Variants in SMARCAL1 observed in about 807,000 individuals in gnomAD.
The protein encoded by SMARCAL1 is SNF2 related chromatin remodeling annealing helicase 1.
Under a neutral mutation model 94.5 loss-of-function variants are expected in SMARCAL1, and 58 were observed. That is an observed-to-expected ratio of 0.61 (90% CI 0.50 to 0.76). SMARCAL1 has a LOEUF of 0.76. Ranked by LOEUF, SMARCAL1 falls within the 30% of genes least tolerant of loss-of-function variation. The pLI is 0.00. For synonymous variants in SMARCAL1, 422 were observed against 455.1 expected, an observed-to-expected ratio of 0.93 and a Z score of 0.93; for missense variants, 1,051 against 1,177.9, an observed-to-expected ratio of 0.89 and a Z score of 1.58.
chr2:216,478,434 C>A, intron 17 of SMARCAL1, 135 bp downstream of exon 17: 1 of 746,568 alleles, frequency 1.3e-6, no homozygotes. Context: ...AAAACAATGG[C>A]CTGCAGTCAT....
chr2:216,473,342 T>C (rs1021651337), intron 14 of SMARCAL1, among the ~76,000 whole-genome samples: 4 of 152,128 alleles, frequency 2.6e-5, no homozygotes, highest in Non-Finnish European at 4.4e-5. Context: ...TCGTTCCTTT[T>C]TAGTGTTCAC....
At chr2:216,414,590 G>T in intron 2 of SMARCAL1, 57 bp from the exon 3 acceptor site, 1 of 880,888 alleles carries the variant, frequency 1.1e-6, no homozygotes, top group Non-Finnish European at 1.9e-6. Flanking sequence ...ATCATGGTTG[G>T]AGTATGACAA....
At position 216,482,771 on chromosome 2, in the gene SMARCAL1, C is replaced by T; in HGVS notation, c.2659C>T (p.Gln887Ter). The stretch of plus-strand genomic sequence containing the variant: ...GCAGCAGAAGATCTACGACCTATTC[C>T]AGAAGTCCTTTGAGAAAGAAGGAAG... ...PKQQKIYDLF[Q>*]KSFEKEGSDM... Residue 887 changes from glutamine to a stop codon, truncating the protein, a stop_gained, in exon 18 of 18, where the codon CAG (glutamine) becomes TAG (stop). Transcript: ENST00000357276. LOFTEE classifies it high-confidence loss of function. The surrounding 1 kb of genome is among the most constrained non-coding windows in gnomAD (Gnocchi z 4.3). 5.6e-6 allele frequency: 9 copies of T among 1,614,120 alleles called. No homozygotes were observed. Among genetic ancestry groups the T allele is most frequent in the Non-Finnish European group, 7.6e-6 (9 of 1,180,000 alleles).
chr2:216,451,847 T>A (rs193065399), intron 12 of SMARCAL1, among the ~76,000 whole-genome samples: 34 of 152,330 alleles, frequency 2.2e-4, no homozygotes, highest in African/African-American at 7.9e-4. Flanking sequence ...ACTAAGAAAA[T>A]AACAGTCATT....
chr2:216,464,697 C>G (rs368984173), intron 13 of SMARCAL1, 30 bp downstream of exon 13: 5 of 1,384,630 alleles, frequency 3.6e-6, no homozygotes, highest in Non-Finnish European at 4.1e-6. Flanking sequence ...CGACCTCTCT[C>G]TCTCTCATCT....
At chr2:216,438,894 G>T (rs1326130407) in intron 10 of SMARCAL1, among the ~76,000 whole-genome samples, 1 of 152,176 alleles carries the variant, frequency 6.6e-6, no homozygotes, top group East Asian at 1.9e-4. Flanking sequence ...CTGCCTAGAT[G>T]CTGGAAATCA....
intron 12 of SMARCAL1, among the ~76,000 whole-genome samples, chr2:216,463,189 C>T (rs146963614): frequency 1.3e-5 from 2 of 152,262 alleles, no homozygotes; most frequent in African/African-American, 4.8e-5. Flanking sequence ...AGTCACAGAT[C>T]TTACAGAGGC....
chr2:216,438,778 ATCC>A (rs1208742518), intron 10 of SMARCAL1, among the ~76,000 whole-genome samples: 1 of 152,132 alleles, frequency 6.6e-6, no homozygotes, highest in East Asian at 1.9e-4. Context: ...GGACTCCAGA[ATCC>A]TCCTCTGGCT....
intron 3 of SMARCAL1, 23 bp downstream of exon 3, chr2:216,415,538 G>GTTTTTTTTTTTTTTTTTTTT: frequency 2.9e-6 from 4 of 1,400,180 alleles, no homozygotes; most frequent in Non-Finnish European, 3.9e-6. Context: ...TTTTTCAGCT[G>GTTTTTTTTTTTTTTTTTTTT]TTTTTTTTTT....
intron 9 of SMARCAL1, among the ~76,000 whole-genome samples, chr2:216,438,016 C>T (rs1694114658): frequency 6.6e-6 from 1 of 152,214 alleles, no homozygotes; most frequent in South Asian, 2.1e-4. Context: ...CCCCTGAGGG[C>T]AGGGGCTGGA....
chr2:216,440,173 G>T (rs1694167465), intron 10 of SMARCAL1, among the ~76,000 whole-genome samples: 1 of 152,180 alleles, frequency 6.6e-6, no homozygotes, highest in South Asian at 2.1e-4. Flanking sequence ...CTTTTGGGAG[G>T]CCTTAATATG....
intron 17 of SMARCAL1, among the ~76,000 whole-genome samples, chr2:216,481,301 C>T (rs1213755986): frequency 6.9e-6 from 1 of 144,698 alleles, no homozygotes; most frequent in Non-Finnish European, 1.5e-5. Flanking sequence ...CAAGTGATTC[C>T]CCCCATCTCA....
chr2:216,422,075 C>G (rs1440702542), intron 5 of SMARCAL1, among the ~76,000 whole-genome samples: 1 of 152,056 alleles, frequency 6.6e-6, no homozygotes, highest in East Asian at 1.9e-4. Flanking sequence ...TTGGCTTCAG[C>G]TTGGGGTGGC....
chr2:216,478,384 A>T, intron 17 of SMARCAL1, 85 bp downstream of exon 17: 1 of 1,032,754 alleles, frequency 9.7e-7, no homozygotes, highest in South Asian at 1.3e-5. Context: ...GAGTAGGAGG[A>T]TGTGAATCAC....
At chr2:216,421,375 G>T (rs989773642) in intron 5 of SMARCAL1, among the ~76,000 whole-genome samples, 5 of 152,086 alleles carry the variant, frequency 3.3e-5, no homozygotes, top group African/African-American at 1.2e-4. Context: ...TTGGCTCACC[G>T]CAACCTCTGC....
intron 7 of SMARCAL1, 126 bp downstream of exon 7, chr2:216,428,908 G>T: frequency 1.1e-6 from 1 of 892,296 alleles, no homozygotes; most frequent in East Asian, 2.5e-5. Context: ...ATTTAGAAGA[G>T]TCTAGGCATT....
chr2:216,427,134 T>G (rs1347334661), intron 6 of SMARCAL1: 5 of 152,262 alleles, frequency 3.3e-5, no homozygotes, highest in African/African-American at 1.2e-4. Context: ...CTCTGCTATG[T>G]GGCTAGTAGC....
At chr2:216,413,151 G>A (rs1191884972) in intron 1 of SMARCAL1, among the ~76,000 whole-genome samples, 2 of 139,910 alleles carry the variant, frequency 1.4e-5, no homozygotes, top group East Asian at 5.1e-4. Flanking sequence ...CGTGGTGGGG[G>A]AGGGGGGAGG....
intron 4 of SMARCAL1, among the ~76,000 whole-genome samples, chr2:216,420,028 C>CAAAAAAAAAAAA (rs60555710): frequency 6.7e-4 from 27 of 40,064 alleles, no homozygotes; most frequent in African/African-American, 1.5e-3. Flanking sequence ...GACCCCGTCT[C>CAAAAAAAAAAAA]AAAAAAAAAA....
Sources: gnomAD v4.1 joint callset for allele counts (sites outside exome capture counted in the v4.1 genomes callset) on GRCh38, gnomAD v4.1.1 for gene constraint, Gnocchi (gnomAD v3.1) non-coding constraint, MANE v1.5 for transcripts, NCBI Gene and HGNC (gene_info 2026-07-23, HGNC 2026-07-21) for gene names.